SLC30A4: variants seen among roughly 807,000 people sequenced by gnomAD.
SLC30A4 encodes the protein solute carrier family 30 member 4.
In SLC30A4, 20 loss-of-function variants were observed where a neutral mutation model predicts 41.7. That is an observed-to-expected ratio of 0.48 (90% CI 0.34 to 0.70). The LOEUF is 0.70. SLC30A4 is among the 30% of genes least tolerant of loss of function. The probability of loss-of-function intolerance (pLI) is 0.01; values close to 1 mark genes in which losing one functional copy is unlikely to be tolerated. For synonymous variants in SLC30A4, 181 were observed against 195.9 expected, an observed-to-expected ratio of 0.92 and a Z score of 0.64; for missense variants, 441 against 529.3, an observed-to-expected ratio of 0.83 and a Z score of 1.64.
chr15:45,492,447 T>G (rs1891828331), intron 3 of SLC30A4, among the ~76,000 whole-genome samples: 1 of 152,162 alleles, frequency 6.6e-6, no homozygotes, highest in African/African-American at 2.4e-5. Context: ...TGGTAATATT[T>G]AAAGTGTTTT....
intron 3 of SLC30A4, among the ~76,000 whole-genome samples, chr15:45,501,877 C>CA (rs1181345372): frequency 6.6e-6 from 1 of 151,994 alleles, no homozygotes; most frequent in African/African-American, 2.4e-5. Context: ...ATCTAGGAGA[C>CA]AGAGTTTCAT....
At chr15:45,516,772 A>G (rs1892492333) in intron 2 of SLC30A4, among the ~76,000 whole-genome samples, 1 of 151,972 alleles carries the variant, frequency 6.6e-6, no homozygotes, top group Non-Finnish European at 1.5e-5. Flanking sequence ...TGGGAGGCTG[A>G]GGCAGGAGAA....
rs776985723 is a variant in SLC30A4 at position 45,484,863 on chromosome 15, C to T, written c.*300G>A. 5 of 278,062 alleles carry T rather than the reference C, an allele frequency of 1.8e-5. No individual in the cohort carries two copies. Among genetic ancestry groups the T allele is most frequent in the Non-Finnish European group, 3.3e-5 (5 of 150,340 alleles). The allele number at this position is 278,062 out of a possible 1,614,324, so 17.2% of individuals were successfully genotyped here. On this transcript the variant is annotated 3_prime_UTR_variant, in exon 8 of 8. Transcript: ENST00000261867. ...AATTCTTGATGCTTCCTTTAAGACA[C>T]GTACTCTGTCAAGTTAATGAAGTAT...
chr15:45,505,509 GTTTTCAATTTTTAT>G (rs1892136705), intron 3 of SLC30A4, among the ~76,000 whole-genome samples: 1 of 152,124 alleles, frequency 6.6e-6, no homozygotes, highest in Non-Finnish European at 1.5e-5. Context: ...ACAATATCCT[GTTTTCAATTTTTAT>G]TCAAAAGGAG....
chr15:45,514,280 G>A (rs1287285859), intron 2 of SLC30A4, among the ~76,000 whole-genome samples: 1 of 150,504 alleles, frequency 6.6e-6, no homozygotes, highest in Non-Finnish European at 1.5e-5. Context: ...GGAGGCGGAG[G>A]TTACGGGGAG....
At chr15:45,519,838 G>A (rs1285259961) in intron 2 of SLC30A4, among the ~76,000 whole-genome samples, 1 of 143,500 alleles carries the variant, frequency 7.0e-6, no homozygotes, top group Non-Finnish European at 1.6e-5. Flanking sequence ...AATATTCAAC[G>A]TTAACTTCAA....
Position 45,483,527 on chromosome 15 carries a change from T to A in SLC30A4, c.*1636A>T, listed in dbSNP as rs932013315. 145 of 152,350 alleles carry A rather than the reference T, an allele frequency of 9.5e-4. No individual in the cohort carries two copies. The highest frequency in any genetic ancestry group is 3.4e-3 in the Middle Eastern group (1 of 294). 9.4% of individuals were successfully genotyped at this position (152,350 alleles called of 1,614,324 possible). A position where few individuals can be genotyped will look rare whatever the true frequency, so the allele number is the denominator to read the frequency against. On this transcript the variant is annotated 3_prime_UTR_variant, in exon 8 of 8. Coordinates refer to ENST00000261867, the MANE Select transcript of SLC30A4 (RefSeq NM_013309.6). ...TGCCTTCAGTTTGGAAACCTCTGTT[T>A]AGTTTCCCTGCAACACAGATTTAAT...
intron 5 of SLC30A4, 42 bp downstream of exon 5, chr15:45,488,799 A>G (rs1264840079): frequency 1.4e-5 from 22 of 1,522,750 alleles, no homozygotes; most frequent in Non-Finnish European, 2.0e-5. Context: ...TCATGTTGAA[A>G]TTAAGTACAT....
At chr15:45,502,821 A>G (rs1892066427) in intron 3 of SLC30A4, 1 of 152,194 alleles carries the variant, frequency 6.6e-6, no homozygotes, top group Non-Finnish European at 1.5e-5. Context: ...AAGCAAGACC[A>G]TGTCTGTACA....
intron 7 of SLC30A4, among the ~76,000 whole-genome samples, 179 bp downstream of exon 7, chr15:45,486,432 A>C (rs1891707653): frequency 6.6e-6 from 1 of 152,200 alleles, no homozygotes; most frequent in Non-Finnish European, 1.5e-5. Context: ...CTTACCCTTT[A>C]AAGAGCCTTT....
intron 2 of SLC30A4, chr15:45,513,999 T>C (rs1220411701): frequency 6.6e-6 from 1 of 152,268 alleles, no homozygotes. Context: ...TCAGAAAATT[T>C]CACAATGTCT....
intron 2 of SLC30A4, among the ~76,000 whole-genome samples, chr15:45,513,408 T>C (rs1892359921): frequency 6.7e-6 from 1 of 149,466 alleles, no homozygotes. Context: ...GGAGATGAGG[T>C]CTTGCTATGT....
chr15:45,521,735 A>C (rs1406576532), intron 2 of SLC30A4: 3 of 498,188 alleles, frequency 6.0e-6, no homozygotes, highest in African/African-American at 5.8e-5. Context: ...ACGGTAGATG[A>C]CAGTGGTTGA....
intron 7 of SLC30A4, among the ~76,000 whole-genome samples, chr15:45,485,743 G>T (rs1891689909): frequency 6.7e-6 from 1 of 149,248 alleles, no homozygotes; most frequent in South Asian, 2.1e-4. Context: ...TTAAGATGGA[G>T]TTTCGCTCTT....
At chr15:45,516,655 G>A (rs1306987899) in intron 2 of SLC30A4, among the ~76,000 whole-genome samples, 1 of 152,114 alleles carries the variant, frequency 6.6e-6, no homozygotes, top group Non-Finnish European at 1.5e-5. Context: ...GATCACTTGA[G>A]GTCACGAGTT....
At chr15:45,505,265 GA>G (rs915001740) in intron 3 of SLC30A4, among the ~76,000 whole-genome samples, 17 of 132,778 alleles carry the variant, frequency 1.3e-4, no homozygotes, top group African/African-American at 3.9e-4. Flanking sequence ...AGAAAGAAAA[GA>G]AAAAAAAAGG....
intron 3 of SLC30A4, chr15:45,502,885 T>C (rs1892068641): frequency 6.6e-6 from 1 of 152,012 alleles, no homozygotes; most frequent in African/African-American, 2.4e-5. Flanking sequence ...TCCTAGCTAC[T>C]CTGGAGGCTG....
At chr15:45,505,238 T>TAAAAAAAA (rs1209222695) in intron 3 of SLC30A4, among the ~76,000 whole-genome samples, 7 of 53,060 alleles carry the variant, frequency 1.3e-4, no homozygotes, top group East Asian at 4.5e-4. Flanking sequence ...TCTCAAAAAT[T>TAAAAAAAA]AAAAAAAAAA....
intron 3 of SLC30A4, among the ~76,000 whole-genome samples, chr15:45,505,184 T>C (rs1261026562): frequency 6.7e-6 from 1 of 148,422 alleles, no homozygotes; most frequent in African/African-American, 2.5e-5. Flanking sequence ...TGAGCCAAGA[T>C]TGCGCCATTG....
Sources: allele counts gnomAD v4.1 joint callset (sites outside exome capture counted in the v4.1 genomes callset), GRCh38; gene constraint gnomAD v4.1.1; transcripts MANE v1.5; gene names NCBI Gene and HGNC (gene_info 2026-07-23, HGNC 2026-07-21).